PROC: variants seen among roughly 807,000 people sequenced by gnomAD.
PROC encodes protein C, inactivator of coagulation factors Va and VIIIa.
PROC carries 22 observed loss-of-function variants against 36.3 expected under a neutral mutation model. That is an observed-to-expected ratio of 0.61 (90% CI 0.43 to 0.86). The LOEUF (loss-of-function observed/expected upper bound fraction) is 0.86, where lower values mean the gene tolerates loss of function less well. PROC is among the 40% of genes least tolerant of loss of function. The probability of loss-of-function intolerance (pLI) is 0.00; values close to 1 mark genes in which losing one functional copy is unlikely to be tolerated. For synonymous variants in PROC, 218 were observed against 244.5 expected (o/e 0.89, Z 1.01); for missense variants, 526 against 629.7 (o/e 0.84, Z 1.76).
At chr2:127,421,141 A>T (rs1688066155) in intron 2 of PROC, 142 bp from the exon 3 acceptor site, 7 of 833,916 alleles carry the variant, frequency 8.4e-6, no homozygotes, top group Non-Finnish European at 1.4e-5. Flanking sequence ...CCAAGCCATG[A>T]CCTAGAATTA....
In PROC at chr2:127,428,913, C is replaced by A; in HGVS notation, c.1353C>A (p.Asp451Glu). Residue 451 changes from aspartate to glutamate, a missense_variant, in exon 9 of 9, where the codon GAC (aspartate) becomes GAA (glutamate). By Grantham distance (45) the Asp-to-Glu change is conservative (BLOSUM62 2). Coordinates refer to ENST00000234071, the MANE Select transcript of PROC (RefSeq NM_000312.4). ...ACTGGATCCATGGGCACATCAGAGA[C>A]AAGGAAGCCCCCCAGAAGAGCTGGG... Reference protein sequence around the residue: ...YLDWIHGHIRDKEAPQKSWAP With the variant: ...YLDWIHGHIREKEAPQKSWAP 1 of 1,613,978 alleles carries A rather than the reference C, an allele frequency of 6.2e-7. No homozygotes were observed. The highest frequency in any genetic ancestry group is 8.5e-7 in the Non-Finnish European group (1 of 1,180,026).
Position 127,428,529 on chromosome 2 carries a change from C to T in PROC, c.969C>T (p.Ser323=), listed in dbSNP as rs568793026. Residue 323 remains serine, a synonymous_variant, in exon 9 of 9, where the codon AGC becomes AGT. Transcript: ENST00000234071. ...QTIVPICLPD[S]GLAERELNQA... is the part of the protein sequence containing the mutation. ...TAGTGCCCATCTGCCTCCCGGACAG[C>T]GGCCTTGCAGAGCGCGAGCTCAATC... The T allele has an allele frequency of 1.6e-5, 26 of 1,613,984 alleles. No individual in the cohort carries two copies. Among genetic ancestry groups the T allele is most frequent in the Admixed American group, 1.7e-5 (1 of 60,034 alleles).
Position 127,429,119 on chromosome 2 carries a change from T to C in PROC, c.*173T>C, listed in dbSNP as rs1016696952. 5.4e-6 allele frequency: 4 copies of C among 738,598 alleles called. No homozygotes were observed. Among genetic ancestry groups the C allele is most frequent in the Non-Finnish European group, 8.8e-6 (4 of 452,404 alleles). 45.8% of individuals were successfully genotyped at this position (738,598 alleles called of 1,614,324 possible). A position where few individuals can be genotyped will look rare whatever the true frequency, so the allele number is the denominator to read the frequency against. On this transcript the variant is annotated 3_prime_UTR_variant, in exon 9 of 9. Coordinates refer to ENST00000234071, the MANE Select transcript of PROC (RefSeq NM_000312.4). ...TATGTCACATGCCTTATGAATAGAA[T>C]CTTAACTCCTAGAGCAACTCTGTGG...
intron 6 of PROC, among the ~76,000 whole-genome samples, chr2:127,425,418 C>T (rs2069924): frequency 0.39 from 59,229 of 152,088 alleles, 11,901 homozygotes; most frequent in East Asian, 0.58. Context: ...AGAGTCGGGC[C>T]GACCTTTCAG....
At chr2:127,423,725 G>C (rs1363679641) in intron 6 of PROC, 5 of 401,530 alleles carry the variant, frequency 1.2e-5, no homozygotes, top group Middle Eastern at 6.5e-4. Context: ...CCCAGTCTGA[G>C]CGTATCTGGG....
intron 3 of PROC, among the ~76,000 whole-genome samples, chr2:127,421,790 TCCACCCA>T (rs1458905225): frequency 1.3e-5 from 2 of 152,206 alleles, no homozygotes; most frequent in African/African-American, 4.8e-5. Flanking sequence ...CCACCCTGCT[TCCACCCA>T]TGCCTCTGCT....
Position 127,423,122 on chromosome 2 carries a change from C to T in PROC, c.351C>T (p.Ser117=), listed in dbSNP as rs945785163. 3 of 1,606,542 alleles carry T rather than the reference C, an allele frequency of 1.9e-6. No homozygotes were observed. Among genetic ancestry groups the T allele is most frequent in the African/African-American group, 2.7e-5 (2 of 74,486 alleles). The change falls in exon 5 of 9, where the codon AGC becomes AGT. Residue 117 remains serine (S), a synonymous_variant. Transcript: ENST00000234071. The stretch of plus-strand genomic sequence containing the variant: ...GCACGTGCATCGACGGCATCGGCAG[C>T]TTCAGCTGCGACTGCCGCAGCGGCT... The part of the protein sequence containing the change: ...GHGTCIDGIG[S]FSCDCRSGWE...
At chr2:127,422,824 C>T in intron 3 of PROC, 93 bp from the exon 4 acceptor site, 2 of 1,503,906 alleles carry the variant, frequency 1.3e-6, no homozygotes, top group Non-Finnish European at 9.0e-7. Context: ...GCCCTCCCCT[C>T]CCCTGCCCGC....
intron 3 of PROC, among the ~76,000 whole-genome samples, chr2:127,421,929 A>G (rs570299158): frequency 6.6e-6 from 1 of 152,244 alleles, no homozygotes; most frequent in South Asian, 2.1e-4. Context: ...TCTGTGTCCT[A>G]TTTGTCTAAG....
intron 7 of PROC, 76 bp from the exon 8 acceptor site, chr2:127,427,029 A>AT: frequency 7.9e-7 from 1 of 1,262,254 alleles, no homozygotes; most frequent in East Asian, 2.3e-5. Flanking sequence ...AGGAAAGTGC[A>AT]TATGAAACCC....
At chr2:127,422,234 T>C (rs1688138987) in intron 3 of PROC, among the ~76,000 whole-genome samples, 4 of 152,098 alleles carry the variant, frequency 2.6e-5, no homozygotes, top group Admixed American at 2.6e-4. Flanking sequence ...CCCCACCACC[T>C]CTTTCCCCAG....
intron 6 of PROC, chr2:127,423,689 G>A (rs1247230195): frequency 8.5e-6 from 4 of 469,900 alleles, no homozygotes; most frequent in African/African-American, 2.0e-5. Flanking sequence ...ACCTCCTGGA[G>A]CGCAAGCCCA....
rs1040092819 is a variant in PROC at position 127,426,694 on chromosome 2, C to A, written c.679-411C>A. Among the ~76,000 whole-genome samples, 3 of 152,078 alleles carry A rather than the reference C, an allele frequency of 2.0e-5. No individual in the cohort carries two copies. The highest frequency in any genetic ancestry group is 4.1e-4 in the South Asian group (2 of 4,826). ...CTCAGACTCTGCAAGGGTCAGGACC[C>A]CAAAGACCCGGCAGCCCAGTGGGAC... On this transcript the variant is annotated intron_variant, in intron 7 of 8. Transcript: ENST00000234071. This position sits in a 1 kb window ranked among gnomAD's most constrained non-coding sequence, Gnocchi z 7.0.
chr2:127,426,244 C>T lies in PROC; in HGVS notation c.678+17C>T. 6.2e-7 allele frequency: 1 copy of T among 1,613,832 alleles called. No homozygotes were observed. The highest frequency in any genetic ancestry group is 8.5e-7 in the Non-Finnish European group (1 of 1,179,982). On this transcript the variant is annotated intron_variant, in intron 7 of 8. Coordinates refer to ENST00000234071, the MANE Select transcript of PROC (RefSeq NM_000312.4). The surrounding 1 kb of genome is among the most constrained non-coding windows in gnomAD (Gnocchi z 7.0). ...CCCTGGCAGGTGGGAGGCGAGGCAG[C>T]ACCGGCTGCTCACGTGCTGGGTCCG...
chr2:127,427,084 C>G, intron 7 of PROC, 21 bp from the exon 8 acceptor site: 1 of 1,606,492 alleles, frequency 6.2e-7, no homozygotes, highest in Non-Finnish European at 8.5e-7. Context: ...CCTGTGATGT[C>G]ATCATCCCAC....
chr2:127,423,742 C>T (rs1573446106), intron 6 of PROC: 1 of 337,884 alleles, frequency 3.0e-6, no homozygotes, highest in East Asian at 5.1e-5. Flanking sequence ...TGGGGCGAGG[C>T]GTGCAGCGTC....
At chr2:127,421,013 C>T (rs576663389) in intron 2 of PROC, among the ~76,000 whole-genome samples, 1 of 152,156 alleles carries the variant, frequency 6.6e-6, no homozygotes, top group Non-Finnish European at 1.5e-5. Context: ...GACACTGGCT[C>T]AAGGTCACAC....
Position 127,418,828 on chromosome 2 carries a change from G to GGA in PROC, c.-22+338_-22+339dup, listed in dbSNP as rs1687911092. ...ACAAATCTCAGAAGTGGCCTCAGAGGGAGTCGGCAAGAATGGAGAGCAGGG... is the reference window on the plus strand; with the variant it reads ...ACAAATCTCAGAAGTGGCCTCAGAGGGAGAGTCGGCAAGAATGGAGAGCAGGG... On this transcript the variant is annotated intron_variant, in intron 1 of 8. Transcript: ENST00000234071. This position sits in a 1 kb window ranked among gnomAD's most constrained non-coding sequence, Gnocchi z 4.8. 1.3e-5 allele frequency among the ~76,000 whole-genome samples: 2 copies of GGA among 152,238 alleles called. No individual in the cohort carries two copies. Among genetic ancestry groups the GGA allele is most frequent in the Admixed American group, 6.5e-5 (1 of 15,288 alleles).
At chr2:127,419,709 C>A (rs1160835664) in intron 1 of PROC, 4 of 1,167,520 alleles carry the variant, frequency 3.4e-6, no homozygotes, top group Non-Finnish European at 4.7e-6. Context: ...TCTGGAGCTG[C>A]TTTCTAGGCA....
Sources: allele counts gnomAD v4.1 joint callset (sites outside exome capture counted in the v4.1 genomes callset), GRCh38; gene constraint gnomAD v4.1.1; non-coding constraint Gnocchi (gnomAD v3.1); transcripts MANE v1.5; gene names NCBI Gene and HGNC (gene_info 2026-07-23, HGNC 2026-07-21).